Variants in TLN2 observed in about 807,000 individuals in gnomAD.
TLN2 encodes the protein talin-2.
A neutral mutation model predicts 294.7 loss-of-function variants in TLN2; 118 were observed. The ratio of observed to expected loss-of-function variants is 0.40; its 90% CI spans 0.34 to 0.47. The LOEUF (loss-of-function observed/expected upper bound fraction) is 0.47. TLN2 is among the 20% of genes least tolerant of loss of function. TLN2 has a pLI of 0.84. For missense variants in TLN2, 3,083 were observed against 3,282.2 expected (o/e 0.94, Z 1.48); for synonymous variants, 1,431 against 1,304.5 (o/e 1.10, Z -2.09).
intron 54 of TLN2, among the ~76,000 whole-genome samples, chr15:62,826,728 A>G (rs1005109125): frequency 3.3e-5 from 5 of 151,788 alleles, no homozygotes; most frequent in Non-Finnish European, 7.4e-5. Context: ...AAAAAAAAAG[A>G]GAAATGTGGC....
intron 3 of TLN2, among the ~76,000 whole-genome samples, chr15:62,641,947 A>C (rs1306990552): frequency 6.6e-6 from 1 of 152,184 alleles, no homozygotes; most frequent in African/African-American, 2.4e-5. Flanking sequence ...CCCTGGGTGA[A>C]CCAGGGTGAT....
At chr15:62,773,434 T>C (rs1595943743) in intron 42 of TLN2, among the ~76,000 whole-genome samples, 1 of 152,104 alleles carries the variant, frequency 6.6e-6, no homozygotes, top group East Asian at 1.9e-4. Flanking sequence ...GGTGATCACT[T>C]CTGTCCCTCA....
intron 1 of TLN2, among the ~76,000 whole-genome samples, chr15:62,427,810 A>G (rs545297797): frequency 1.4e-4 from 21 of 152,164 alleles, no homozygotes; most frequent in Admixed American, 7.8e-4. Context: ...TCGACTCCCT[A>G]TTTGTTTCAT....
chr15:62,545,628 A>G (rs1279281695), intron 1 of TLN2, among the ~76,000 whole-genome samples: 1 of 151,964 alleles, frequency 6.6e-6, no homozygotes, highest in East Asian at 1.9e-4. Context: ...GCAAATTTGC[A>G]TATCCTTTTT....
chr15:62,542,574 T>C (rs1438059411), intron 1 of TLN2, among the ~76,000 whole-genome samples: 1 of 152,108 alleles, frequency 6.6e-6, no homozygotes, highest in East Asian at 1.9e-4. Flanking sequence ...TAGGATCCTT[T>C]TGGTTGCAAG....
intron 2 of TLN2, among the ~76,000 whole-genome samples, chr15:62,594,701 CTG>C (rs1042917290): frequency 6.6e-6 from 1 of 152,138 alleles, no homozygotes; most frequent in Non-Finnish European, 1.5e-5. Flanking sequence ...AACAGTAAAA[CTG>C]TTAAAAGAAA....
At chr15:62,711,688 G>A (rs1043709870) in intron 21 of TLN2, among the ~76,000 whole-genome samples, 1 of 152,200 alleles carries the variant, frequency 6.6e-6, no homozygotes, top group African/African-American at 2.4e-5. Flanking sequence ...CATAGTGAAA[G>A]GTTGAACCTG....
chr15:62,760,445 T>A (rs1318722492), intron 37 of TLN2, among the ~76,000 whole-genome samples: 2 of 152,178 alleles, frequency 1.3e-5, no homozygotes, highest in Non-Finnish European at 2.9e-5. Context: ...GTTTTTTTTT[T>A]ATCCCAATTG....
intron 37 of TLN2, among the ~76,000 whole-genome samples, chr15:62,761,465 G>T (rs186568595): frequency 4.6e-5 from 7 of 152,244 alleles, no homozygotes; most frequent in Admixed American, 4.6e-4. Context: ...CAGTTGTCCT[G>T]TGAGCTACAC....
intron 1 of TLN2, among the ~76,000 whole-genome samples, chr15:62,391,314 C>A (rs1443604855): frequency 1.3e-5 from 2 of 152,206 alleles, no homozygotes; most frequent in Non-Finnish European, 2.9e-5. Flanking sequence ...TCGCCACGGG[C>A]GAACTGCTGG....
intron 41 of TLN2, among the ~76,000 whole-genome samples, chr15:62,770,601 CT>C (rs1347372141): frequency 2.0e-5 from 3 of 152,192 alleles, no homozygotes; most frequent in Non-Finnish European, 4.4e-5. Flanking sequence ...CTACCTTACC[CT>C]TTTCCACTCC....
At chr15:62,502,082 C>T (rs1358616905) in intron 1 of TLN2, among the ~76,000 whole-genome samples, 1 of 152,196 alleles carries the variant, frequency 6.6e-6, no homozygotes, top group Non-Finnish European at 1.5e-5. Flanking sequence ...GTGGCTCTAC[C>T]TTTAAGAATA....
chr15:62,465,104 G>GTTTTTTTTTTTTTTTTTTTTTTTTTTTT (rs57890839), intron 1 of TLN2, among the ~76,000 whole-genome samples: 1 of 85,514 alleles, frequency 1.2e-5, no homozygotes, highest in Non-Finnish European at 2.1e-5. Flanking sequence ...TGGTGAGCGC[G>GTTTTTTTTTTTTTTTTTTTTTTTTTTTT]TTTTTTTTTT....
intron 1 of TLN2, among the ~76,000 whole-genome samples, chr15:62,440,573 C>T (rs1396968766): frequency 6.6e-6 from 1 of 152,210 alleles, no homozygotes. Context: ...TGACTGTCCT[C>T]ACTGTCCTCC....
At chr15:62,838,415 A>C (rs148772296) in intron 57 of TLN2, among the ~76,000 whole-genome samples, 3 of 152,190 alleles carry the variant, frequency 2.0e-5, no homozygotes, top group Non-Finnish European at 4.4e-5. Context: ...GGGAGAGGGT[A>C]TGGGTAGAGC....
intron 1 of TLN2, among the ~76,000 whole-genome samples, chr15:62,487,399 T>A (rs2038458992): frequency 6.6e-6 from 1 of 152,214 alleles, no homozygotes; most frequent in Non-Finnish European, 1.5e-5. Flanking sequence ...TTGATTATTG[T>A]CAGTATTATC....
chr15:62,500,653 AG>A (rs2140428562), intron 1 of TLN2, among the ~76,000 whole-genome samples: 1 of 152,330 alleles, frequency 6.6e-6, no homozygotes, highest in African/African-American at 2.4e-5. Context: ...GAATTATCTG[AG>A]AAATGGCTGA....
Position 62,536,220 on chromosome 15 carries a change from C to A in TLN2, c.-237-53467C>A, listed in dbSNP as rs535455413. Reference sequence around the variant, plus strand: ...AGTAGAATCACCGGGGGATCTTTTACAGCTACAACAAATGCTCAGGCCTGG... The same window carrying A: ...AGTAGAATCACCGGGGGATCTTTTAAAGCTACAACAAATGCTCAGGCCTGG... On this transcript the variant is annotated intron_variant, in intron 1 of 58. Coordinates refer to ENST00000636159, the MANE Select transcript of TLN2 (RefSeq NM_015059.3). Among the ~76,000 whole-genome samples the A allele has an allele frequency of 2.0e-5, 3 of 152,306 alleles. No individual in the cohort carries two copies. In the South Asian group the frequency reaches 6.2e-4, roughly 32 times the overall value.
chr15:62,591,654 G>A (rs867947656), intron 2 of TLN2, among the ~76,000 whole-genome samples: 1 of 152,172 alleles, frequency 6.6e-6, no homozygotes, highest in Non-Finnish European at 1.5e-5. Flanking sequence ...GGCCAGATGT[G>A]ATCTGACAGA....
Sources: allele counts gnomAD v4.1 joint callset (sites outside exome capture counted in the v4.1 genomes callset), GRCh38; gene constraint gnomAD v4.1.1; transcripts MANE v1.5; gene names NCBI Gene and HGNC (gene_info 2026-07-23, HGNC 2026-07-21).